Variants in DNM3 observed in about 807,000 individuals in gnomAD.
DNM3 encodes the protein dynamin-3.
In DNM3, 47 loss-of-function variants were observed where a neutral mutation model predicts 101.6. That is an observed-to-expected ratio of 0.46 (90% CI 0.37 to 0.59). The LOEUF (loss-of-function observed/expected upper bound fraction) is 0.59. Among genes scored for constraint, DNM3 ranks in the 20% least tolerant of loss-of-function variants. The pLI is 0.00. For missense variants in DNM3, 849 were observed against 1,085.7 expected (o/e 0.78, Z 3.06); for synonymous variants, 385 against 387.9 (o/e 0.99, Z 0.09).
chr1:171,958,183 T>A (rs1244436046), intron 2 of DNM3, among the ~76,000 whole-genome samples: 8 of 151,992 alleles, frequency 5.3e-5, no homozygotes, highest in Middle Eastern at 3.2e-3. Flanking sequence ...AACCATCAGA[T>A]CTCATGAGAC....
chr1:171,965,351 C>T (rs190066458), intron 2 of DNM3, among the ~76,000 whole-genome samples: 3 of 149,564 alleles, frequency 2.0e-5, no homozygotes, highest in Admixed American at 1.3e-4. Context: ...GAGACCAGCC[C>T]ATGCAACATG....
chr1:172,032,523 AGAC>A, intron 5 of DNM3, 23 bp downstream of exon 5: 3 of 1,018,502 alleles, frequency 2.9e-6, no homozygotes, highest in Non-Finnish European at 4.2e-6. Flanking sequence ...GGTCTATACA[AGAC>A]TTTTTTTTTT....
chr1:171,872,346 T>G (rs2035371564), intron 1 of DNM3, among the ~76,000 whole-genome samples: 1 of 152,202 alleles, frequency 6.6e-6, no homozygotes, highest in Non-Finnish European at 1.5e-5. Flanking sequence ...CCTTTTTTTT[T>G]CCTTTTTGCA....
chr1:172,008,818 A>C (rs2046877066), intron 4 of DNM3, among the ~76,000 whole-genome samples: 1 of 138,102 alleles, frequency 7.2e-6, no homozygotes, highest in Admixed American at 7.9e-5. Flanking sequence ...TATAAATATT[A>C]ATATGTATTA....
At chr1:172,012,320 T>C (rs961271232) in intron 4 of DNM3, among the ~76,000 whole-genome samples, 1 of 152,058 alleles carries the variant, frequency 6.6e-6, no homozygotes, top group African/African-American at 2.4e-5. Context: ...TGGGAAGTTA[T>C]ATGGACCAAC....
intron 13 of DNM3, among the ~76,000 whole-genome samples, chr1:172,096,362 C>T (rs971035677): frequency 6.6e-6 from 1 of 152,026 alleles, no homozygotes; most frequent in South Asian, 2.1e-4. Context: ...TGGAGAAAGG[C>T]TTTGAAGGTG....
intron 17 of DNM3, among the ~76,000 whole-genome samples, chr1:172,364,634 G>C (rs1472322401): frequency 6.6e-6 from 1 of 151,874 alleles, no homozygotes; most frequent in Non-Finnish European, 1.5e-5. Flanking sequence ...CAGTGACATG[G>C]TTTGGATCTG....
In DNM3 at chr1:171,841,647, C is replaced by T. The variant is rs1187325170; in HGVS notation, c.-10C>T. The T allele has an allele frequency of 3.1e-6, 5 of 1,607,608 alleles. No individual in the cohort carries two copies. In the South Asian group the frequency reaches 4.5e-5, roughly 14 times the overall value. ...GCAGGGACCAGCTGGTCGCCGGCCCCTCGGGCAAGATGGGGAACCGGGAGA... is the reference window on the plus strand; with the variant it reads ...GCAGGGACCAGCTGGTCGCCGGCCCTTCGGGCAAGATGGGGAACCGGGAGA... On this transcript the variant is annotated 5_prime_UTR_variant, in exon 1 of 21. Coordinates refer to ENST00000627582, the MANE Select transcript of DNM3 (RefSeq NM_015569.5).
At chr1:172,164,620 C>G (rs1397868513) in intron 14 of DNM3, among the ~76,000 whole-genome samples, 2 of 151,942 alleles carry the variant, frequency 1.3e-5, no homozygotes, top group Non-Finnish European at 2.9e-5. Flanking sequence ...TGCGTCTTAT[C>G]ATATTCTAAC....
rs1008435058 is a variant in DNM3, at chr1:172,173,408, G to A, written c.1659+42120G>A. On this transcript the variant is annotated intron_variant, in intron 14 of 20. Coordinates refer to ENST00000627582, the MANE Select transcript of DNM3 (RefSeq NM_015569.5). ...AAATGTAATAATTATTTCAGTTTTG[G>A]ATATACTGAGATTTACACACATATA... Among the ~76,000 whole-genome samples, 6 of 151,604 alleles carry A rather than the reference G, an allele frequency of 4.0e-5. No individual in the cohort carries two copies. In the South Asian group the frequency reaches 1.2e-3, roughly 32 times the overall value.
At chr1:171,961,573 A>G (rs1397189953) in intron 2 of DNM3, among the ~76,000 whole-genome samples, 2 of 152,232 alleles carry the variant, frequency 1.3e-5, no homozygotes, top group African/African-American at 4.8e-5. Context: ...AATTAACTAT[A>G]ATATAATACA....
chr1:172,342,553 A>G (rs1189689387), intron 17 of DNM3, among the ~76,000 whole-genome samples: 2 of 152,200 alleles, frequency 1.3e-5, no homozygotes, highest in Non-Finnish European at 2.9e-5. Context: ...TGAGAGTCAA[A>G]TAATGAGAAC....
intron 13 of DNM3, among the ~76,000 whole-genome samples, chr1:172,110,410 A>G (rs979734878): frequency 1.3e-5 from 2 of 152,220 alleles, no homozygotes; most frequent in East Asian, 1.9e-4. Flanking sequence ...GCTCAGTTAG[A>G]TCAGGGACAG....
Position 171,843,019 on chromosome 1 carries a change from G to T in DNM3, c.161+1202G>T, listed in dbSNP as rs191861614. Among the ~76,000 whole-genome samples the T allele has an allele frequency of 3.9e-5, 6 of 152,284 alleles. No homozygotes were observed. In the East Asian group the frequency reaches 1.2e-3, roughly 29 times the overall value. ...CTCATTCGTGACTTGGGATGCAGAA[G>T]GTTCCTGTTTCTGTTCCTTTTTTCT... On this transcript the variant is annotated intron_variant, in intron 1 of 20. Coordinates refer to ENST00000627582, the MANE Select transcript of DNM3 (RefSeq NM_015569.5).
intron 15 of DNM3, among the ~76,000 whole-genome samples, chr1:172,268,720 T>C (rs1052055965): frequency 6.6e-6 from 1 of 152,168 alleles, no homozygotes; most frequent in Middle Eastern, 3.2e-3. Flanking sequence ...GACAACATAA[T>C]TTCTTGAGTA....
chr1:172,366,916 G>A (rs1322306260), intron 17 of DNM3, among the ~76,000 whole-genome samples: 1 of 151,810 alleles, frequency 6.6e-6, no homozygotes, highest in East Asian at 1.9e-4. Flanking sequence ...AGAATTTCAG[G>A]AAAGGCATAG....
intron 14 of DNM3, among the ~76,000 whole-genome samples, chr1:172,216,233 A>G (rs1572984288): frequency 6.6e-6 from 1 of 152,078 alleles, no homozygotes; most frequent in South Asian, 2.1e-4. Flanking sequence ...CGAAGGTATA[A>G]TTCCCTTGGA....
intron 14 of DNM3, among the ~76,000 whole-genome samples, chr1:172,201,983 G>A (rs1294529646): frequency 6.6e-6 from 1 of 152,186 alleles, no homozygotes; most frequent in East Asian, 1.9e-4. Flanking sequence ...CTGCAAGAAG[G>A]AGGTTCCCCT....
intron 4 of DNM3, among the ~76,000 whole-genome samples, chr1:172,003,544 C>T (rs2046481113): frequency 6.6e-6 from 1 of 151,622 alleles, no homozygotes; most frequent in African/African-American, 2.4e-5. Flanking sequence ...TCCTCTCCTG[C>T]CCCCTCCCCT....
Sources: allele counts gnomAD v4.1 joint callset (sites outside exome capture counted in the v4.1 genomes callset), GRCh38; gene constraint gnomAD v4.1.1; transcripts MANE v1.5; gene names NCBI Gene and HGNC (gene_info 2026-07-23, HGNC 2026-07-21).